Variants in MRAS observed in about 807,000 individuals in gnomAD.
MRAS encodes the protein muscle RAS oncogene homolog.
In MRAS, 4 loss-of-function variants were observed where a neutral mutation model predicts 20.9. That is an observed-to-expected ratio of 0.19 (90% CI 0.09 to 0.44). The LOEUF (loss-of-function observed/expected upper bound fraction) is 0.44. MRAS is among the 20% of genes least tolerant of loss of function. The pLI is 0.99. For synonymous variants in MRAS, 98 were observed against 102.9 expected, an observed-to-expected ratio of 0.95 and a Z score of 0.29; for missense variants, 154 against 277.5, an observed-to-expected ratio of 0.56 and a Z score of 3.16.
intron 2 of MRAS, among the ~76,000 whole-genome samples, chr3:138,389,343 C>G (rs752592003): frequency 1.3e-5 from 2 of 151,504 alleles, no homozygotes; most frequent in Non-Finnish European, 2.9e-5. Context: ...GGACTCTACC[C>G]CATGGTGAGG....
intron 1 of MRAS, among the ~76,000 whole-genome samples, chr3:138,356,830 G>A (rs550329843): frequency 3.3e-5 from 5 of 152,272 alleles, no homozygotes; most frequent in African/African-American, 1.2e-4. Context: ...AGGTGCCCTG[G>A]CACTCCCAAG....
intron 5 of MRAS, 128 bp from the exon 6 acceptor site, chr3:138,402,042 C>T (rs940716582): frequency 7.5e-6 from 6 of 804,390 alleles, no homozygotes; most frequent in South Asian, 5.4e-5. Flanking sequence ...GCATCCCCAT[C>T]CCCCTCACCC....
intron 4 of MRAS, 53 bp downstream of exon 4, chr3:138,398,621 C>T: frequency 6.8e-7 from 1 of 1,476,752 alleles, no homozygotes; most frequent in East Asian, 2.3e-5. Context: ...AAAGCTGTAG[C>T]CTGGTCACCC....
chr3:138,371,577 C>A (rs893332258), intron 1 of MRAS, among the ~76,000 whole-genome samples: 2 of 152,162 alleles, frequency 1.3e-5, no homozygotes, highest in Non-Finnish European at 2.9e-5. Context: ...CCATGCTTTT[C>A]CCATCCCAAT....
chr3:138,352,291 T>C (rs930743148), intron 1 of MRAS, among the ~76,000 whole-genome samples: 3 of 152,194 alleles, frequency 2.0e-5, no homozygotes, highest in Non-Finnish European at 4.4e-5. Context: ...GTTCCACCTA[T>C]TCCCAGAGAC....
At chr3:138,389,068 C>A (rs1033957672) in intron 2 of MRAS, among the ~76,000 whole-genome samples, 8 of 152,182 alleles carry the variant, frequency 5.3e-5, no homozygotes, top group Admixed American at 2.0e-4. Flanking sequence ...TCTCAAACTC[C>A]TGACCTCGTG....
intron 2 of MRAS, among the ~76,000 whole-genome samples, chr3:138,389,082 C>T (rs1160775166): frequency 6.6e-5 from 10 of 152,002 alleles, no homozygotes; most frequent in East Asian, 1.9e-4. Flanking sequence ...CCTCGTGATC[C>T]GCCCTCCTCG....
At chr3:138,383,438 C>T (rs1416447619) in intron 2 of MRAS, among the ~76,000 whole-genome samples, 2 of 152,108 alleles carry the variant, frequency 1.3e-5, no homozygotes, top group African/African-American at 4.8e-5. Flanking sequence ...TTAAGTGATC[C>T]GCCCACCTTG....
At chr3:138,357,236 G>A (rs1560161663) in intron 1 of MRAS, among the ~76,000 whole-genome samples, 3 of 150,132 alleles carry the variant, frequency 2.0e-5, no homozygotes, top group East Asian at 1.9e-4. Flanking sequence ...TGCCCCAAGC[G>A]GGGCCTCTGG....
At chr3:138,391,584 A>G (rs944258288) in intron 2 of MRAS, among the ~76,000 whole-genome samples, 1 of 152,230 alleles carries the variant, frequency 6.6e-6, no homozygotes, top group African/African-American at 2.4e-5. Context: ...TCTCGGAAAT[A>G]TTGTATAAAA....
intron 1 of MRAS, among the ~76,000 whole-genome samples, chr3:138,365,649 A>C (rs2054544138): frequency 6.6e-6 from 1 of 152,234 alleles, no homozygotes; most frequent in Non-Finnish European, 1.5e-5. Flanking sequence ...CTACCCCTAA[A>C]GGTCCTGAGC....
At chr3:138,394,069 C>T (rs1187902196) in intron 2 of MRAS, among the ~76,000 whole-genome samples, 2 of 151,412 alleles carry the variant, frequency 1.3e-5, no homozygotes, top group African/African-American at 4.9e-5. Context: ...TTATTAATTG[C>T]AGTTCTGAGT....
At chr3:138,349,556 A>T (rs1264040937) in intron 1 of MRAS, 2 of 152,450 alleles carry the variant, frequency 1.3e-5, no homozygotes, top group Non-Finnish European at 2.9e-5. Flanking sequence ...GCCTGGGGCA[A>T]AGTGGAGTCT....
intron 2 of MRAS, among the ~76,000 whole-genome samples, chr3:138,385,417 G>A (rs1054874036): frequency 6.6e-6 from 1 of 150,980 alleles, no homozygotes; most frequent in Admixed American, 6.6e-5. Context: ...AAAGTATTGG[G>A]ATTACAGGAA....
At chr3:138,363,456 G>C (rs2054492296) in intron 1 of MRAS, among the ~76,000 whole-genome samples, 1 of 152,066 alleles carries the variant, frequency 6.6e-6, no homozygotes, top group Non-Finnish European at 1.5e-5. Context: ...CCCCAGGCTG[G>C]GTGAGATGCC....
intron 2 of MRAS, among the ~76,000 whole-genome samples, chr3:138,378,228 A>G (rs1294294952): frequency 6.6e-6 from 1 of 152,196 alleles, no homozygotes; most frequent in Non-Finnish European, 1.5e-5. Context: ...CTGCTTAAGG[A>G]AGCCTTCTCT....
intron 2 of MRAS, 59 bp from the exon 3 acceptor site, chr3:138,397,265 G>A (rs973361914): frequency 3.8e-6 from 6 of 1,586,260 alleles, no homozygotes; most frequent in African/African-American, 1.3e-5. Flanking sequence ...GAGTCTTGCA[G>A]GCTGTGGGGG....
intron 1 of MRAS, among the ~76,000 whole-genome samples, chr3:138,360,710 A>G (rs1468945737): frequency 6.6e-6 from 1 of 152,218 alleles, no homozygotes; most frequent in Non-Finnish European, 1.5e-5. Flanking sequence ...TGTCTACCCA[A>G]GCCAGACTCC....
chr3:138,372,859 G>T lies in MRAS; in HGVS notation c.-18-7G>T, dbSNP rs1199333. The stretch of plus-strand genomic sequence containing the variant: ...TCTGTCTCATTCCACATGTCTTGCT[G>T]CCGCAGGTCTGACCTACGAGAAACA... On this transcript the variant is annotated splice_region_variant and splice_polypyrimidine_tract_variant and intron_variant, in intron 1 of 5. Transcript: ENST00000423968. 0.82 allele frequency: 1,230,295 copies of T among 1,498,120 alleles called. 506,588 individuals are homozygous for T. The highest frequency in any genetic ancestry group is 0.97 in the East Asian group (35,730 of 36,992). 92.8% of individuals were successfully genotyped at this position (1,498,120 alleles called of 1,614,324 possible). A position where few individuals can be genotyped will look rare whatever the true frequency, so the allele number is the denominator to read the frequency against.
Sources: gnomAD v4.1 joint callset for allele counts (sites outside exome capture counted in the v4.1 genomes callset) on GRCh38, gnomAD v4.1.1 for gene constraint, MANE v1.5 for transcripts, NCBI Gene and HGNC (gene_info 2026-07-23, HGNC 2026-07-21) for gene names.